The following CERKL variants were observed in gnomAD, a reference collection of about 807,000 sequenced individuals.
CERKL encodes the protein CERK like autophagy regulator, also known as ceramide kinase-like protein.
In CERKL, 61 loss-of-function variants were observed where a neutral mutation model predicts 63.4. The observed-to-expected ratio is 0.96, with a 90% confidence interval of 0.78 to 1.19. The LOEUF is 1.19. Among genes scored for constraint, CERKL ranks in the 50% most tolerant of loss-of-function variants. The probability of loss-of-function intolerance (pLI) is 0.00; values close to 1 mark genes in which losing one functional copy is unlikely to be tolerated. For missense variants in CERKL, 675 were observed against 655.5 expected, an observed-to-expected ratio of 1.03 and a Z score of -0.33; for synonymous variants, 250 against 230.5, an observed-to-expected ratio of 1.08 and a Z score of -0.77.
chr2:181,645,612 C>CA (rs1687637555), intron 1 of CERKL, among the ~76,000 whole-genome samples: 1 of 152,204 alleles, frequency 6.6e-6, no homozygotes, highest in Admixed American at 6.5e-5. Context: ...CAAGCTGAGG[C>CA]AAAGGCCACA....
chr2:181,544,415 A>G (rs191773861), intron 11 of CERKL, among the ~76,000 whole-genome samples: 44 of 152,298 alleles, frequency 2.9e-4, no homozygotes, highest in African/African-American at 1.0e-3. Context: ...ATGGAATTTT[A>G]TCCTTAATTT....
intron 2 of CERKL, among the ~76,000 whole-genome samples, chr2:181,582,679 G>C (rs1370910764): frequency 6.6e-6 from 1 of 151,572 alleles, no homozygotes; most frequent in African/African-American, 2.4e-5. Flanking sequence ...GGGATTACTG[G>C]GATTACAGGT....
At chr2:181,583,325 G>A (rs56267648) in intron 2 of CERKL, among the ~76,000 whole-genome samples, 2 of 151,854 alleles carry the variant, frequency 1.3e-5, no homozygotes, top group Non-Finnish European at 1.5e-5. Flanking sequence ...AAATTATCTA[G>A]TAGTTTCACA....
At chr2:181,592,740 T>C (rs910380046) in intron 2 of CERKL, among the ~76,000 whole-genome samples, 26 of 152,208 alleles carry the variant, frequency 1.7e-4, no homozygotes, top group Admixed American at 1.7e-3. Flanking sequence ...CACAACTTTA[T>C]AGCTGCATGA....
intron 1 of CERKL, among the ~76,000 whole-genome samples, chr2:181,611,743 C>T (rs1685977745): frequency 6.6e-6 from 1 of 152,110 alleles, no homozygotes; most frequent in Non-Finnish European, 1.5e-5. Context: ...CAGCACATTT[C>T]CATTACTGTT....
intron 4 of CERKL, among the ~76,000 whole-genome samples, chr2:181,561,115 C>G (rs1051772870): frequency 1.3e-5 from 2 of 152,098 alleles, no homozygotes; most frequent in African/African-American, 4.8e-5. Context: ...AAATGGCCAG[C>G]ACTGGCATTA....
intron 1 of CERKL, among the ~76,000 whole-genome samples, chr2:181,642,999 G>A (rs1319530631): frequency 6.6e-6 from 1 of 152,094 alleles, no homozygotes; most frequent in Non-Finnish European, 1.5e-5. Context: ...TGAGTAAGGC[G>A]AGCAAAGGGC....
In CERKL at chr2:181,558,793, A is replaced by G; in HGVS notation, c.678-85T>C. 7.1e-7 allele frequency: 1 copy of G among 1,406,690 alleles called. No homozygotes were observed. Among genetic ancestry groups the G allele is most frequent in the Admixed American group, 1.7e-5 (1 of 57,514 alleles). The allele number at this position is 1,406,690 out of a possible 1,614,324, so 87.1% of individuals were successfully genotyped here. ...TGAAATCTAGACTTCAAAATAGTTT[A>G]CTAATTTGTAGTCTATGTGCATAAC... On this transcript the variant is annotated intron_variant, in intron 4 of 12. Transcript: ENST00000410087. The surrounding 1 kb of genome is among the most constrained non-coding windows in gnomAD (Gnocchi z 4.2).
At chr2:181,603,708 G>T in intron 2 of CERKL, 129 bp downstream of exon 2, 2 of 971,710 alleles carry the variant, frequency 2.1e-6, no homozygotes, top group Non-Finnish European at 1.7e-6. Flanking sequence ...ACTTTCTCAC[G>T]ACAAAAACTA....
At chr2:181,559,494 A>C (rs557250848) in intron 4 of CERKL, among the ~76,000 whole-genome samples, 1 of 152,162 alleles carries the variant, frequency 6.6e-6, no homozygotes. Context: ...TCACAACTCA[A>C]GGGCTACAAG....
Position 181,603,982 on chromosome 2 carries a change from C to A in CERKL, c.336G>T (p.Gln112His). Residue 112 changes from glutamine (Q) to histidine (H), a missense_variant, in exon 2 of 13, where the codon CAG (glutamine) becomes CAT (histidine). Coordinates refer to ENST00000410087, the MANE Select transcript of CERKL (RefSeq NM_201548.5). ...TGATACCTAATAAAGTACCACTTCT[C>A]TGCTGTTTAACAGAACAACGCCGTT... The part of the protein sequence containing the change: ...KLKRRCSVKQ[Q>H]RSGTLLGITL... 6 of 1,613,318 alleles carry A rather than the reference C, an allele frequency of 3.7e-6. No individual in the cohort carries two copies. The highest frequency in any genetic ancestry group is 5.1e-6 in the Non-Finnish European group (6 of 1,179,674).
At chr2:181,545,670 G>A (rs886162642) in intron 10 of CERKL, among the ~76,000 whole-genome samples, 9 of 152,076 alleles carry the variant, frequency 5.9e-5, no homozygotes, top group African/African-American at 2.2e-4. Context: ...GGCACACAGA[G>A]AAAAAATGGT....
intron 2 of CERKL, among the ~76,000 whole-genome samples, chr2:181,583,527 GAAC>G (rs757538561): frequency 6.6e-5 from 10 of 152,162 alleles, no homozygotes; most frequent in Non-Finnish European, 5.9e-5. Context: ...ACAGGCAACA[GAAC>G]AACAAGTTAA....
At chr2:181,579,985 T>C (rs974343869) in intron 2 of CERKL, among the ~76,000 whole-genome samples, 16 of 151,950 alleles carry the variant, frequency 1.1e-4, no homozygotes, top group African/African-American at 3.9e-4. Context: ...AGTTTTATAA[T>C]GACTTAATAG....
intron 8 of CERKL, 73 bp downstream of exon 8, chr2:181,548,472 G>T: frequency 9.0e-7 from 1 of 1,105,252 alleles, no homozygotes; most frequent in Non-Finnish European, 1.4e-6. Flanking sequence ...TCCTAAGTCT[G>T]ATCAATTGTT....
At chr2:181,589,565 T>C (rs1473286664) in intron 2 of CERKL, among the ~76,000 whole-genome samples, 3 of 152,206 alleles carry the variant, frequency 2.0e-5, no homozygotes, top group Non-Finnish European at 4.4e-5. Context: ...CCAGTCTATC[T>C]GGGACAAAGA....
At chr2:181,641,280 T>C (rs1387851769) in intron 1 of CERKL, among the ~76,000 whole-genome samples, 2 of 148,828 alleles carry the variant, frequency 1.3e-5, no homozygotes, top group Non-Finnish European at 3.0e-5. Context: ...TATATGTGTG[T>C]ATATATGTAT....
rs1312433940 is a variant in CERKL at position 181,559,136 on chromosome 2, C to T, written c.678-428G>A. ...AATAAAGCTCTGAAAAGACAGATAG[C>T]AATAAAAATCATATAAAATATGAAG... On this transcript the variant is annotated intron_variant, in intron 4 of 12. Coordinates refer to ENST00000410087, the MANE Select transcript of CERKL (RefSeq NM_201548.5). 6.6e-5 allele frequency among the ~76,000 whole-genome samples: 10 copies of T among 152,114 alleles called. No individual in the cohort carries two copies. In the East Asian group the frequency reaches 1.9e-3, roughly 29 times the overall value.
chr2:181,618,736 T>C (rs1367747818), intron 1 of CERKL, among the ~76,000 whole-genome samples: 2 of 152,174 alleles, frequency 1.3e-5, no homozygotes, highest in Non-Finnish European at 1.5e-5. Context: ...AAATAGTAAA[T>C]ATTTTTAATG....
Sources: gnomAD v4.1 joint callset for allele counts (sites outside exome capture counted in the v4.1 genomes callset) on GRCh38, gnomAD v4.1.1 for gene constraint, Gnocchi (gnomAD v3.1) non-coding constraint, MANE v1.5 for transcripts, NCBI Gene and HGNC (gene_info 2026-07-23, HGNC 2026-07-21) for gene names.